Variants in FAM171A1 observed in about 807,000 individuals in gnomAD.
The protein encoded by FAM171A1 is protein FAM171A1.
FAM171A1 carries 23 observed loss-of-function variants against 74.9 expected under a neutral mutation model. The observed-to-expected ratio is 0.31, with a 90% CI of 0.22 to 0.44. The LOEUF is 0.44. Ranked by LOEUF, FAM171A1 falls within the 20% of genes least tolerant of loss-of-function variation. The pLI is 1.00. For synonymous variants in FAM171A1, 527 were observed against 505.7 expected, an observed-to-expected ratio of 1.04 and a Z score of -0.57; for missense variants, 1,162 against 1,159.2, an observed-to-expected ratio of 1.00 and a Z score of -0.03.
chr10:15,318,949 A>G (rs773743420), intron 1 of FAM171A1, among the ~76,000 whole-genome samples: 14 of 152,220 alleles, frequency 9.2e-5, no homozygotes, highest in Non-Finnish European at 1.8e-4. Flanking sequence ...GGGTTTATAA[A>G]CACTTGAGAG....
intron 5 of FAM171A1, among the ~76,000 whole-genome samples, chr10:15,232,357 C>G (rs1288900736): frequency 1.3e-5 from 2 of 152,182 alleles, no homozygotes; most frequent in Non-Finnish European, 2.9e-5. Flanking sequence ...TGTTTCTCCG[C>G]CATCTGAAAT....
chr10:15,228,277 AT>A (rs1834135309), intron 5 of FAM171A1, among the ~76,000 whole-genome samples: 1 of 151,566 alleles, frequency 6.6e-6, no homozygotes, highest in African/African-American at 2.4e-5. Context: ...ATGTTAAGAG[AT>A]TCTTAAAATC....
At chr10:15,328,107 A>C (rs1479261244) in intron 1 of FAM171A1, among the ~76,000 whole-genome samples, 2 of 152,012 alleles carry the variant, frequency 1.3e-5, no homozygotes, top group African/African-American at 4.8e-5. Flanking sequence ...AACCAAAAAA[A>C]AAAAAAACCT....
At chr10:15,251,300 C>G (rs1254760019) in intron 4 of FAM171A1, among the ~76,000 whole-genome samples, 1 of 152,088 alleles carries the variant, frequency 6.6e-6, no homozygotes, top group East Asian at 1.9e-4. Context: ...TATCTGCCTT[C>G]TTGAGGCCTC....
intron 3 of FAM171A1, among the ~76,000 whole-genome samples, chr10:15,265,668 T>C (rs540528342): frequency 5.3e-5 from 8 of 151,834 alleles, no homozygotes; most frequent in Non-Finnish European, 7.4e-5. Context: ...TTTTTTTTTT[T>C]GTATTTGTTT....
chr10:15,331,948 A>T (rs1439296105), intron 1 of FAM171A1, among the ~76,000 whole-genome samples: 1 of 147,496 alleles, frequency 6.8e-6, no homozygotes, highest in African/African-American at 2.5e-5. Context: ...CCTGAAATTT[A>T]GGCCTTGCAT....
intron 3 of FAM171A1, among the ~76,000 whole-genome samples, chr10:15,271,569 A>G (rs1223843139): frequency 6.6e-6 from 1 of 152,218 alleles, no homozygotes; most frequent in Non-Finnish European, 1.5e-5. Flanking sequence ...CAACTCCAAG[A>G]CACATAATTG....
intron 1 of FAM171A1, among the ~76,000 whole-genome samples, chr10:15,293,491 G>T (rs895781054): frequency 6.6e-6 from 1 of 151,632 alleles, no homozygotes; most frequent in Non-Finnish European, 1.5e-5. Flanking sequence ...TTTGCGGGGA[G>T]GAAAGACCAA....
At chr10:15,251,791 A>G (rs560610434) in intron 4 of FAM171A1, among the ~76,000 whole-genome samples, 31 of 152,286 alleles carry the variant, frequency 2.0e-4, no homozygotes, top group African/African-American at 7.5e-4. Flanking sequence ...TACACAAAAT[A>G]CTGAGTTTTA....
At chr10:15,247,016 C>G (rs1834443563) in intron 5 of FAM171A1, among the ~76,000 whole-genome samples, 1 of 152,186 alleles carries the variant, frequency 6.6e-6, no homozygotes, top group African/African-American at 2.4e-5. Flanking sequence ...TTTTGTAACT[C>G]AGCAATTCTT....
chr10:15,248,897 C>T (rs1834471237), intron 4 of FAM171A1, 82 bp from the exon 5 acceptor site: 1 of 1,326,734 alleles, frequency 7.5e-7, no homozygotes, highest in Non-Finnish European at 1.0e-6. Flanking sequence ...AAAATAGTCG[C>T]AGCTACCATT....
chr10:15,349,644 T>C (rs543915035), intron 1 of FAM171A1, among the ~76,000 whole-genome samples: 70 of 152,156 alleles, frequency 4.6e-4, no homozygotes, highest in Non-Finnish European at 9.1e-4. Flanking sequence ...TCAGCTTCCC[T>C]ATCCTGAACA....
chr10:15,372,541 CA>C (rs35936943), upstream of FAM171A1, among the ~76,000 whole-genome samples: 146,883 of 151,324 alleles, frequency 0.97, 71,441 homozygotes, highest in East Asian at 1. Context: ...ACCAAAAATA[CA>C]AAAAAATTAA....
chr10:15,256,037 T>C (rs1834576510), intron 3 of FAM171A1, among the ~76,000 whole-genome samples: 1 of 152,188 alleles, frequency 6.6e-6, no homozygotes, highest in Non-Finnish European at 1.5e-5. Context: ...GGTAATTTTG[T>C]GCAAACCTGG....
intron 1 of FAM171A1, among the ~76,000 whole-genome samples, chr10:15,368,334 A>G (rs1836091638): frequency 6.6e-6 from 1 of 152,248 alleles, no homozygotes; most frequent in African/African-American, 2.4e-5. Flanking sequence ...CAGATGACAT[A>G]AAGACTCATT....
chr10:15,328,018 C>T (rs1835577729), intron 1 of FAM171A1, among the ~76,000 whole-genome samples: 1 of 150,026 alleles, frequency 6.7e-6, no homozygotes, highest in African/African-American at 2.5e-5. Context: ...CCTCAGAACA[C>T]TGTAGACAGA....
At chr10:15,367,596 C>A (rs565629785) in intron 1 of FAM171A1, among the ~76,000 whole-genome samples, 1 of 152,312 alleles carries the variant, frequency 6.6e-6, no homozygotes, top group African/African-American at 2.4e-5. Context: ...TGATACCTTA[C>A]ATGGCTTCGT....
At chr10:15,302,256 G>C (rs1445155439) in intron 1 of FAM171A1, among the ~76,000 whole-genome samples, 3 of 152,178 alleles carry the variant, frequency 2.0e-5, no homozygotes, top group South Asian at 2.1e-4. Flanking sequence ...CTGAGGTCAG[G>C]GGTTTGAGAC....
chr10:15,236,496 A>G (rs1834292330), intron 5 of FAM171A1, among the ~76,000 whole-genome samples: 1 of 151,828 alleles, frequency 6.6e-6, no homozygotes, highest in South Asian at 2.1e-4. Context: ...ACGAAAAAGG[A>G]CTTGCTCAAG....
Sources: gnomAD v4.1 joint callset for allele counts (sites outside exome capture counted in the v4.1 genomes callset) on GRCh38, gnomAD v4.1.1 for gene constraint, MANE v1.5 for transcripts, NCBI Gene and HGNC (gene_info 2026-07-23, HGNC 2026-07-21) for gene names.